The following KIAA1328 variants were observed in gnomAD, a reference collection of about 807,000 sequenced individuals.
The protein encoded by KIAA1328 is protein hinderin.
A neutral mutation model predicts 68.1 loss-of-function variants in KIAA1328; 52 were observed. The observed-to-expected ratio is 0.76, with a 90% CI of 0.61 to 0.96. The LOEUF (loss-of-function observed/expected upper bound fraction) is 0.96. KIAA1328 is among the 40% of genes least tolerant of loss of function. KIAA1328 has a pLI of 0.00. For missense variants in KIAA1328, 641 were observed against 677.6 expected (o/e 0.95, Z 0.60); for synonymous variants, 232 against 239.4 (o/e 0.97, Z 0.28).
chr18:37,149,613 A>G (rs1305372659), intron 7 of KIAA1328, among the ~76,000 whole-genome samples: 2 of 152,194 alleles, frequency 1.3e-5, no homozygotes, highest in Non-Finnish European at 2.9e-5. Context: ...ACACTATGGT[A>G]AGTATTTGTG....
intron 7 of KIAA1328, among the ~76,000 whole-genome samples, chr18:37,135,388 G>C (rs926928701): frequency 6.6e-6 from 1 of 152,108 alleles, no homozygotes; most frequent in Non-Finnish European, 1.5e-5. Flanking sequence ...TAAAATAGTA[G>C]CCATTCTGAC....
chr18:36,839,953 G>C (rs543969113), intron 3 of KIAA1328, among the ~76,000 whole-genome samples: 1 of 152,272 alleles, frequency 6.6e-6, no homozygotes, highest in Admixed American at 6.5e-5. Flanking sequence ...GCTGGTCAGT[G>C]CTCAGTAGTT....
chr18:37,199,946 A>G (rs1345507927), intron 9 of KIAA1328, among the ~76,000 whole-genome samples: 2 of 152,200 alleles, frequency 1.3e-5, no homozygotes, highest in African/African-American at 4.8e-5. Flanking sequence ...ACATTTTTAA[A>G]AAGAATGACT....
At chr18:36,837,930 T>A (rs1439864888) in intron 3 of KIAA1328, among the ~76,000 whole-genome samples, 1 of 152,198 alleles carries the variant, frequency 6.6e-6, no homozygotes. Context: ...CTGTATTCTG[T>A]TCCATTGATT....
At chr18:36,904,597 A>G (rs2049152285) in intron 5 of KIAA1328, among the ~76,000 whole-genome samples, 1 of 152,052 alleles carries the variant, frequency 6.6e-6, no homozygotes, top group South Asian at 2.1e-4. Flanking sequence ...ATAACTTTTA[A>G]ACTAATTGTG....
intron 6 of KIAA1328, among the ~76,000 whole-genome samples, chr18:37,056,970 C>G (rs2055934997): frequency 6.6e-6 from 1 of 152,142 alleles, no homozygotes; most frequent in Admixed American, 6.5e-5. Flanking sequence ...AATATGCTAC[C>G]ACTGTGAACT....
chr18:36,858,125 A>G (rs1040330675), intron 4 of KIAA1328, among the ~76,000 whole-genome samples: 2 of 152,186 alleles, frequency 1.3e-5, no homozygotes, highest in East Asian at 1.9e-4. Flanking sequence ...ATACTTGTAG[A>G]TTTGTCTGTT....
At chr18:37,099,974 C>A (rs2057548101) in intron 7 of KIAA1328, among the ~76,000 whole-genome samples, 2 of 152,136 alleles carry the variant, frequency 1.3e-5, no homozygotes, top group Non-Finnish European at 2.9e-5. Context: ...TGTGTCTTTG[C>A]ACGTGAGATG....
At chr18:36,913,609 A>C (rs1015136151) in intron 5 of KIAA1328, among the ~76,000 whole-genome samples, 2 of 151,266 alleles carry the variant, frequency 1.3e-5, no homozygotes, top group Non-Finnish European at 2.9e-5. Context: ...CCTTGGACTA[A>C]TAGTCATCCT....
intron 5 of KIAA1328, among the ~76,000 whole-genome samples, chr18:36,889,843 A>G (rs2048622882): frequency 6.6e-6 from 1 of 152,178 alleles, no homozygotes; most frequent in Non-Finnish European, 1.5e-5. Context: ...GATTTTCATT[A>G]GATTATGCAA....
At chr18:36,970,410 C>G (rs1005084471) in intron 6 of KIAA1328, among the ~76,000 whole-genome samples, 11 of 152,214 alleles carry the variant, frequency 7.2e-5, no homozygotes, top group Admixed American at 4.6e-4. Flanking sequence ...TATGGATGCT[C>G]TCTCTCACCA....
At chr18:36,895,151 G>T (rs970759823) in intron 5 of KIAA1328, among the ~76,000 whole-genome samples, 1 of 152,188 alleles carries the variant, frequency 6.6e-6, no homozygotes, top group Admixed American at 6.5e-5. Flanking sequence ...TGTACCAGCT[G>T]CCCTAACTTG....
chr18:37,114,759 A>G (rs2058051664), intron 7 of KIAA1328, among the ~76,000 whole-genome samples: 1 of 152,220 alleles, frequency 6.6e-6, no homozygotes, highest in Non-Finnish European at 1.5e-5. Context: ...CAAAATTGAT[A>G]GACCACTAGC....
intron 6 of KIAA1328, among the ~76,000 whole-genome samples, chr18:37,062,677 G>A (rs1169681003): frequency 3.3e-5 from 5 of 152,050 alleles, no homozygotes; most frequent in African/African-American, 7.2e-5. Context: ...GGATGGTCTC[G>A]TTCTCCTGAC....
At position 37,215,087 on chromosome 18, in the gene KIAA1328, C is replaced by T. The variant is rs551446226; in HGVS notation, c.1524-6930C>T. Among the ~76,000 whole-genome samples, 330 of 152,276 alleles carry T rather than the reference C, an allele frequency of 2.2e-3. 1 individual carries two copies. Among genetic ancestry groups the T allele is most frequent in the African/African-American group, 7.4e-3 (309 of 41,542 alleles). On this transcript the variant is annotated intron_variant, in intron 9 of 9. Coordinates refer to ENST00000280020, the MANE Select transcript of KIAA1328 (RefSeq NM_020776.3). Reference sequence around the variant, plus strand: ...GGGTTTTCTAAATATACCATCATGTCATCTGCAAACCTGGACAATTTGACT... The same window carrying T: ...GGGTTTTCTAAATATACCATCATGTTATCTGCAAACCTGGACAATTTGACT...
At chr18:37,038,802 C>T (rs2055132144) in intron 6 of KIAA1328, among the ~76,000 whole-genome samples, 1 of 152,040 alleles carries the variant, frequency 6.6e-6, no homozygotes, top group African/African-American at 2.4e-5. Flanking sequence ...AAAGCATTGT[C>T]TTTTACCATT....
intron 7 of KIAA1328, among the ~76,000 whole-genome samples, chr18:37,098,651 A>C (rs1197925709): frequency 1.3e-5 from 2 of 152,154 alleles, no homozygotes; most frequent in Non-Finnish European, 1.5e-5. Context: ...AAGGAATGGT[A>C]CCAGTTCCTC....
At chr18:37,066,520 T>G (rs899689425) in intron 6 of KIAA1328, among the ~76,000 whole-genome samples, 1 of 152,174 alleles carries the variant, frequency 6.6e-6, no homozygotes, top group African/African-American at 2.4e-5. Context: ...ATGGATTCCT[T>G]GGCTCAGTAT....
intron 4 of KIAA1328, among the ~76,000 whole-genome samples, chr18:36,883,549 G>C (rs1253397999): frequency 1.3e-5 from 2 of 152,194 alleles, no homozygotes; most frequent in East Asian, 3.9e-4. Flanking sequence ...ATTACTCACT[G>C]TTTGCTTATT....
Sources: allele counts gnomAD v4.1 joint callset (sites outside exome capture counted in the v4.1 genomes callset), GRCh38; gene constraint gnomAD v4.1.1; transcripts MANE v1.5; gene names NCBI Gene and HGNC (gene_info 2026-07-23, HGNC 2026-07-21).